CDK20: variants seen among roughly 807,000 people sequenced by gnomAD.
CDK20 encodes cyclin-dependent kinase 20.
A neutral mutation model predicts 38.6 loss-of-function variants in CDK20; 40 were observed. The observed-to-expected ratio is 1.04, with a 90% CI of 0.81 to 1.35. The LOEUF (loss-of-function observed/expected upper bound fraction) is 1.35, where lower values mean the gene tolerates loss of function less well. Among genes scored for constraint, CDK20 ranks in the 40% most tolerant of loss-of-function variants. The pLI is 0.00. For synonymous variants in CDK20, 209 were observed against 185.7 expected, an observed-to-expected ratio of 1.13 and a Z score of -1.02; for missense variants, 512 against 452.6, an observed-to-expected ratio of 1.13 and a Z score of -1.19.
chr9:87,967,972 A>G (rs1829547976), intron 7 of CDK20: 1 of 233,978 alleles, frequency 4.3e-6, no homozygotes, highest in African/African-American at 2.3e-5. Context: ...GGAATCCTGG[A>G]GAGAGGTTGC....
At position 87,966,745 on chromosome 9, in the gene CDK20, T is replaced by C. The variant is rs1357489447; in HGVS notation, c.*717A>G. 1 of 304,014 alleles carries C rather than the reference T, an allele frequency of 3.3e-6. No individual in the cohort carries two copies. The highest frequency in any genetic ancestry group is 6.5e-6 in the Non-Finnish European group (1 of 154,470). The allele number at this position is 304,014 out of a possible 1,614,324, so 18.8% of individuals were successfully genotyped here. On this transcript the variant is annotated 3_prime_UTR_variant, in exon 8 of 8. Coordinates refer to ENST00000325303, the MANE Select transcript of CDK20 (RefSeq NM_001039803.3). Reference sequence around the variant, plus strand: ...GTAAACCAGCCTCATGTGCAGAGGGTCTCCTGCTGGATCCCCAACTGGAGC... The same window carrying C: ...GTAAACCAGCCTCATGTGCAGAGGGCCTCCTGCTGGATCCCCAACTGGAGC...
intron 5 of CDK20, 80 bp downstream of exon 5, chr9:87,970,488 C>T: frequency 7.4e-7 from 1 of 1,347,028 alleles, no homozygotes; most frequent in Non-Finnish European, 1.0e-6. Flanking sequence ...GGGAAAAGAC[C>T]ACCAAACAGC....
Position 87,974,488 on chromosome 9 carries a change from T to G in CDK20, c.-42A>C, listed in dbSNP as rs368360457. The G allele has an allele frequency of 3.2e-6, 5 of 1,563,398 alleles. No homozygotes were observed. The highest frequency in any genetic ancestry group is 4.4e-6 in the Non-Finnish European group (5 of 1,146,932). ...GCCTGTGCCCCTGTGCCCCTGAACT[T>G]CCAAACTCCACTTCTCCTCCACCCC... On this transcript the variant is annotated 5_prime_UTR_variant, in exon 1 of 8. Transcript: ENST00000325303.
intron 2 of CDK20, 55 bp downstream of exon 2, chr9:87,973,867 A>T (rs1222326850): frequency 3.2e-6 from 5 of 1,560,422 alleles, no homozygotes; most frequent in Non-Finnish European, 1.8e-6. Context: ...AGGCACAAAG[A>T]AGTGGGAACG....
Position 87,973,966 on chromosome 9 carries a change from G to A in CDK20, c.145C>T (p.Leu49=). ...RLEDGFPNQA[L]REIKALQEME... ...TCCTGCAGAGCCTTAATCTCCCGCAGGGCCTGGTTAGGGAAGCCGTCCTCC... is the reference window on the plus strand; with the variant it reads ...TCCTGCAGAGCCTTAATCTCCCGCAAGGCCTGGTTAGGGAAGCCGTCCTCC... Residue 49 remains leucine (L), a synonymous_variant, in exon 2 of 8, where the codon CTG becomes TTG. Coordinates refer to ENST00000325303, the MANE Select transcript of CDK20 (RefSeq NM_001039803.3). 1.2e-6 allele frequency: 2 copies of A among 1,614,152 alleles called. No individual in the cohort carries two copies. Among genetic ancestry groups the A allele is most frequent in the Admixed American group, 1.7e-5 (1 of 60,022 alleles).
Position 87,970,977 on chromosome 9 carries a change from C to G in CDK20, c.379-80G>C, listed in dbSNP as rs1829809449. The G allele has an allele frequency of 1.4e-5, 22 of 1,586,520 alleles. No homozygotes were observed. In the South Asian group the frequency reaches 2.3e-4, roughly 17 times the overall value. The stretch of plus-strand genomic sequence containing the variant: ...ACAAGCGGGCTTGGCAGTCTAACCA[C>G]TCAGGTCAGCCCCGGTCCCCACCTC... On this transcript the variant is annotated intron_variant, in intron 3 of 7. Coordinates refer to ENST00000325303, the MANE Select transcript of CDK20 (RefSeq NM_001039803.3).
intron 7 of CDK20, 77 bp from the exon 8 acceptor site, chr9:87,967,736 A>G (rs1307814173): frequency 2.4e-6 from 3 of 1,273,388 alleles, no homozygotes; most frequent in African/African-American, 3.0e-5. Context: ...ATGTTCCTTC[A>G]TCTATGCATT....
At position 87,970,609 on chromosome 9, in the gene CDK20, G is replaced by T. The variant is rs1356278992; in HGVS notation, c.522C>A (p.Leu174=). The T allele has an allele frequency of 6.2e-7, 1 of 1,614,084 alleles. No individual in the cohort carries two copies. The stretch of plus-strand genomic sequence containing the variant: ...GGTCATACTGGCGGGCACCATACAG[G>T]AGCTCGGGGGCTCGGTACCACCTGC... ...VATRWYRAPE[L]LYGARQYDQG... The change falls in exon 5 of 8, where the codon CTC becomes CTA. Residue 174 remains leucine (L), a synonymous_variant. Coordinates refer to ENST00000325303, the MANE Select transcript of CDK20 (RefSeq NM_001039803.3).
chr9:87,970,329 C>T, intron 5 of CDK20: 1 of 536,680 alleles, frequency 1.9e-6, no homozygotes, highest in Non-Finnish European at 3.3e-6. Context: ...CCCCATCTAG[C>T]CCAGAAAGCT....
intron 5 of CDK20, 34 bp from the exon 6 acceptor site, chr9:87,969,953 C>G: frequency 6.6e-7 from 1 of 1,524,626 alleles, no homozygotes; most frequent in Non-Finnish European, 8.8e-7. Context: ...GGTCAGAGAT[C>G]TCCCACCATG....
intron 2 of CDK20, among the ~76,000 whole-genome samples, chr9:87,972,057 T>C (rs1031231255): frequency 3.3e-5 from 5 of 151,922 alleles, no homozygotes; most frequent in African/African-American, 1.2e-4. Context: ...TACAAAAAAC[T>C]AGCCAGGCAT....
At position 87,970,650 on chromosome 9, in the gene CDK20, C is replaced by T. The variant is rs557989263; in HGVS notation, c.501-20G>A. ...TACCACCTGCGAGGAAGAGGGCTGG[C>T]AGGCACTGGGCTGAGAAAAGGATGC... On this transcript the variant is annotated intron_variant, in intron 4 of 7. Transcript: ENST00000325303. 14 of 1,613,942 alleles carry T rather than the reference C, an allele frequency of 8.7e-6. No homozygotes were observed. Among genetic ancestry groups the T allele is most frequent in the Admixed American group, 1.7e-5 (1 of 59,994 alleles).
At chr9:87,973,157 ACT>A (rs1031561470) in intron 2 of CDK20, among the ~76,000 whole-genome samples, 1 of 152,288 alleles carries the variant, frequency 6.6e-6, no homozygotes, top group South Asian at 2.1e-4. Flanking sequence ...AACCCTGTTA[ACT>A]CTCCAGGGAG....
rs1403719210 is a variant in CDK20 at position 87,969,280 on chromosome 9, C to T, written c.757G>A (p.Val253Met). Residue 253 changes from valine (V) to methionine (M), a missense_variant, in exon 7 of 8, where the codon GTG (valine) becomes ATG (methionine). Physicochemically the swap from Val to Met is conservative, Grantham distance 21. Coordinates refer to ENST00000325303, the MANE Select transcript of CDK20 (RefSeq NM_001039803.3). ...KEQVPMPLEE[V>M]LPDVSPQALD... ...GCCTGGGGAGAGACGTCAGGCAGCA[C>T]CTCCTCCAGGGGCATGGGCACCTGC... 5.6e-6 allele frequency: 9 copies of T among 1,614,062 alleles called. 1 individual carries two copies. Among genetic ancestry groups the T allele is most frequent in the Non-Finnish European group, 7.6e-6 (9 of 1,179,974 alleles).
chr9:87,967,758 G>C (rs901472050), intron 7 of CDK20, 99 bp from the exon 8 acceptor site: 1 of 1,031,362 alleles, frequency 9.7e-7, no homozygotes, highest in Non-Finnish European at 1.4e-6. Context: ...AGCTGACTCA[G>C]TGTGTCTGGG....
Position 87,972,029 on chromosome 9 carries a change from C to G in CDK20, c.190-694G>C, listed in dbSNP as rs557576880. Among the ~76,000 whole-genome samples the G allele has an allele frequency of 3.3e-5, 5 of 152,200 alleles. No homozygotes were observed. The East Asian group carries it at 9.7e-4, about 30-fold the overall frequency. ...GACCAGCCTGGGCAACATGGTGAAA[C>G]CTTGTCTCTACAAAAAATACAAAAA... On this transcript the variant is annotated intron_variant, in intron 2 of 7. Transcript: ENST00000325303.
Position 87,970,855 on chromosome 9 carries a change from G to T in CDK20, c.421C>A (p.Leu141Ile). The T allele has an allele frequency of 1.2e-6, 2 of 1,614,212 alleles. No homozygotes were observed. The highest frequency in any genetic ancestry group is 1.7e-6 in the Non-Finnish European group (2 of 1,180,042). Residue 141 changes from leucine (L) to isoleucine (I), a missense_variant, in exon 4 of 8, where the codon CTC becomes ATC. By Grantham distance (5) the Leu-to-Ile change is conservative. Transcript: ENST00000325303. ...ANLLISASGQ[L>I]KIADFGLARV... ...GCCAGGCCAAAGTCCGCTATCTTGAGCTGGCCTGAGGCGCTGATGAGCAGG... is the reference window on the plus strand; with the variant it reads ...GCCAGGCCAAAGTCCGCTATCTTGATCTGGCCTGAGGCGCTGATGAGCAGG...
chr9:87,971,362 C>T, intron 2 of CDK20, 27 bp from the exon 3 acceptor site: 1 of 1,588,628 alleles, frequency 6.3e-7, no homozygotes, highest in East Asian at 2.3e-5. Flanking sequence ...TTGTTAGCCC[C>T]CAGACTCAAG....
chr9:87,970,734 C>T, intron 4 of CDK20, 42 bp downstream of exon 4: 3 of 1,613,484 alleles, frequency 1.9e-6, no homozygotes, highest in Non-Finnish European at 2.5e-6. Flanking sequence ...AGAAGCATCT[C>T]TTCCCCATGG....
Sources: gnomAD v4.1 joint callset for allele counts (sites outside exome capture counted in the v4.1 genomes callset) on GRCh38, gnomAD v4.1.1 for gene constraint, MANE v1.5 for transcripts, NCBI Gene and HGNC (gene_info 2026-07-23, HGNC 2026-07-21) for gene names.